PRMT3: variants seen among roughly 807,000 people sequenced by gnomAD.
The protein encoded by PRMT3 is protein arginine methyltransferase 3.
PRMT3 carries 62 observed loss-of-function variants against 71.9 expected under a neutral mutation model. The observed-to-expected ratio is 0.86, with a 90% CI of 0.70 to 1.07. PRMT3 has a LOEUF of 1.07. Among genes scored for constraint, PRMT3 ranks in the 50% least tolerant of loss-of-function variants. The pLI is 0.00. For synonymous variants in PRMT3, 213 were observed against 220.4 expected (o/e 0.97, Z 0.30); for missense variants, 663 against 643.0 (o/e 1.03, Z -0.34).
chr11:20,470,830 A>G (rs1014556944), intron 13 of PRMT3, among the ~76,000 whole-genome samples: 1 of 152,160 alleles, frequency 6.6e-6, no homozygotes, highest in African/African-American at 2.4e-5. Flanking sequence ...GTCTTCTGCA[A>G]TGGTTAAACT....
intron 9 of PRMT3, among the ~76,000 whole-genome samples, chr11:20,423,162 C>A (rs1243496427): frequency 6.6e-6 from 1 of 152,164 alleles, no homozygotes; most frequent in Non-Finnish European, 1.5e-5. Context: ...CCACATATGT[C>A]CATTCACTTC....
chr11:20,442,211 TG>T (rs1180521097), intron 10 of PRMT3, among the ~76,000 whole-genome samples: 10 of 152,126 alleles, frequency 6.6e-5, no homozygotes, highest in African/African-American at 2.4e-4. Context: ...GTCAAAATAT[TG>T]TTTTTTTTTT....
At chr11:20,500,218 G>GCA (rs1440837875) in intron 15 of PRMT3, among the ~76,000 whole-genome samples, 10 of 152,140 alleles carry the variant, frequency 6.6e-5, no homozygotes, top group African/African-American at 2.4e-4. Context: ...TGCAAAACTT[G>GCA]TATATTTAAA....
rs566200671 is a variant in PRMT3, at chr11:20,398,199, G to A, written c.705+478G>A. ...ATTAAATTATATATTACCTTTTAAC[G>A]TGTAAAGGAAATGATTAATTTCAGT... On this transcript the variant is annotated intron_variant, in intron 7 of 15. Coordinates refer to ENST00000331079, the MANE Select transcript of PRMT3 (RefSeq NM_005788.4). Among the ~76,000 whole-genome samples, 68 of 152,080 alleles carry A rather than the reference G, an allele frequency of 4.5e-4. No individual in the cohort carries two copies. In the South Asian group the frequency reaches 0.012, roughly 27 times the overall value.
intron 10 of PRMT3, among the ~76,000 whole-genome samples, chr11:20,446,306 A>G (rs1465154534): frequency 1.3e-5 from 2 of 151,986 alleles, no homozygotes; most frequent in African/African-American, 4.8e-5. Flanking sequence ...TGTCTTATGA[A>G]GTAATTGTAT....
chr11:20,472,720 G>GCCTCATAGAACAAGTAGGGAGGAGTTC (rs1488866476), intron 13 of PRMT3, among the ~76,000 whole-genome samples: 1 of 152,090 alleles, frequency 6.6e-6, no homozygotes, highest in Non-Finnish European at 1.5e-5. Flanking sequence ...GATGATGCTG[G>GCCTCATAGAACAAGTAGGGAGGAGTTC]CCTCATAGAA....
intron 4 of PRMT3, 23 bp downstream of exon 4, chr11:20,392,283 A>T: frequency 6.5e-7 from 1 of 1,544,190 alleles, no homozygotes; most frequent in South Asian, 1.2e-5. Context: ...CTTAATTTAT[A>T]ATTTCGTTTA....
At chr11:20,470,808 G>A (rs1408835273) in intron 13 of PRMT3, among the ~76,000 whole-genome samples, 1 of 152,106 alleles carries the variant, frequency 6.6e-6, no homozygotes, top group Non-Finnish European at 1.5e-5. Flanking sequence ...AGGTCTTTGA[G>A]GAATTGCCAC....
At chr11:20,473,252 T>G (rs931210977) in intron 13 of PRMT3, among the ~76,000 whole-genome samples, 6 of 152,152 alleles carry the variant, frequency 3.9e-5, no homozygotes, top group South Asian at 4.1e-4. Context: ...TAATCTCGGT[T>G]ATTTCTTGTC....
intron 5 of PRMT3, among the ~76,000 whole-genome samples, chr11:20,394,828 CTGTT>C (rs528420403): frequency 9.7e-4 from 147 of 152,114 alleles, no homozygotes; most frequent in Admixed American, 2.6e-3. Flanking sequence ...CAGTATTTGT[CTGTT>C]TGTGTCTGGC....
intron 7 of PRMT3, among the ~76,000 whole-genome samples, chr11:20,402,709 G>C (rs919938082): frequency 1.3e-5 from 2 of 152,116 alleles, no homozygotes; most frequent in Non-Finnish European, 2.9e-5. Flanking sequence ...GGTCTTATTT[G>C]AGTTTCAGTC....
rs75016247 is a variant in PRMT3, at chr11:20,476,641, T to A, written c.1347+12095T>A. On this transcript the variant is annotated intron_variant, in intron 13 of 15. Transcript: ENST00000331079. ...TTCCTTTGAGATAATTTTTTTCACC[T>A]ACTTTTTAATTCATTATTTCTTTTT... 3.6e-3 allele frequency among the ~76,000 whole-genome samples: 550 copies of A among 152,324 alleles called. 19 individuals are homozygous for A. In the East Asian group the frequency reaches 0.076, roughly 21 times the overall value.
intron 15 of PRMT3, among the ~76,000 whole-genome samples, chr11:20,504,745 A>C (rs56927184): frequency 9.6e-4 from 135 of 141,238 alleles, no homozygotes; most frequent in African/African-American, 3.0e-3. Context: ...AGAGAGAGAG[A>C]GCGAGAGCGA....
intron 13 of PRMT3, among the ~76,000 whole-genome samples, chr11:20,485,212 A>G (rs1297707116): frequency 6.6e-6 from 1 of 151,972 alleles, no homozygotes. Context: ...TCGGTTTGCC[A>G]TGCCCCCAGG....
At chr11:20,476,441 T>G (rs1308894741) in intron 13 of PRMT3, among the ~76,000 whole-genome samples, 1 of 151,896 alleles carries the variant, frequency 6.6e-6, no homozygotes, top group Non-Finnish European at 1.5e-5. Context: ...GATGAACATT[T>G]TAATATGAAT....
chr11:20,482,777 T>C (rs1191874185), intron 13 of PRMT3, among the ~76,000 whole-genome samples: 2 of 152,106 alleles, frequency 1.3e-5, no homozygotes, highest in African/African-American at 4.8e-5. Context: ...ACATTTTATG[T>C]ATATGTATGT....
At chr11:20,464,378 G>A (rs1850455977) in intron 12 of PRMT3, 82 bp from the exon 13 acceptor site, 1 of 1,468,976 alleles carries the variant, frequency 6.8e-7, no homozygotes, top group Admixed American at 2.6e-5. Flanking sequence ...ATGTTTGTCT[G>A]GGTTGTTTTT....
chr11:20,419,042 A>G (rs2133340633), intron 9 of PRMT3, among the ~76,000 whole-genome samples: 1 of 152,268 alleles, frequency 6.6e-6, no homozygotes, highest in East Asian at 1.9e-4. Flanking sequence ...GGGGGTGTAT[A>G]CTTAGAAGTA....
At chr11:20,489,414 C>T (rs898940151) in intron 13 of PRMT3, among the ~76,000 whole-genome samples, 4 of 152,250 alleles carry the variant, frequency 2.6e-5, no homozygotes, top group East Asian at 1.9e-4. Flanking sequence ...TGATCTTTTA[C>T]GAGCATATGT....
Sources: gnomAD v4.1 joint callset for allele counts (sites outside exome capture counted in the v4.1 genomes callset) on GRCh38, gnomAD v4.1.1 for gene constraint, MANE v1.5 for transcripts, NCBI Gene and HGNC (gene_info 2026-07-23, HGNC 2026-07-21) for gene names.